Variants in PPA2 observed in about 807,000 individuals in gnomAD.
The protein encoded by PPA2 is inorganic pyrophosphatase 2, also known as inorganic pyrophosphatase 2, mitochondrial.
In PPA2, 48 loss-of-function variants were observed where a neutral mutation model predicts 49.5. The observed-to-expected ratio is 0.97, with a 90% CI of 0.77 to 1.23. PPA2 has a LOEUF of 1.23. Ranked by LOEUF, PPA2 falls within the 50% of genes most tolerant of loss-of-function variation. The pLI, the probability that PPA2 is intolerant of heterozygous loss-of-function variation, is 0.00. For missense variants in PPA2, 429 were observed against 410.1 expected (o/e 1.05, Z -0.40); for synonymous variants, 131 against 139.9 (o/e 0.94, Z 0.45).
At chr4:105,425,831 T>C (rs1276149171) in intron 6 of PPA2, among the ~76,000 whole-genome samples, 2 of 148,100 alleles carry the variant, frequency 1.4e-5, no homozygotes, top group Admixed American at 1.3e-4. Flanking sequence ...TGAAAACCAG[T>C]GATAGTGACA....
At chr4:105,442,209 T>G (rs551800160) in intron 5 of PPA2, among the ~76,000 whole-genome samples, 1 of 152,298 alleles carries the variant, frequency 6.6e-6, no homozygotes, top group South Asian at 2.1e-4. Context: ...TACCAGTGTT[T>G]TTACTACTAG....
In PPA2 at chr4:105,435,708, C is replaced by G. The variant is rs577876103; in HGVS notation, c.528+2242G>C. Among the ~76,000 whole-genome samples the G allele has an allele frequency of 4.2e-4, 64 of 152,260 alleles. 1 individual carries two copies. The South Asian group carries it at 0.012, about 30-fold the overall frequency. On this transcript the variant is annotated intron_variant, in intron 6 of 11. Transcript: ENST00000341695. ...TAAAGAAAACTAAGAATAAAAACCA[C>G]ATGATCATCTCAATAGATACAGAAA...
intron 9 of PPA2, among the ~76,000 whole-genome samples, chr4:105,395,680 T>G (rs1434278963): frequency 2.0e-5 from 3 of 152,116 alleles, no homozygotes; most frequent in Non-Finnish European, 4.4e-5. Context: ...CCTAAAAATC[T>G]GTCAGGAATT....
At chr4:105,436,975 T>C (rs1489581171) in intron 6 of PPA2, among the ~76,000 whole-genome samples, 1 of 151,990 alleles carries the variant, frequency 6.6e-6, no homozygotes, top group Admixed American at 6.6e-5. Flanking sequence ...CAAATTTAAC[T>C]TAATTAAACT....
intron 6 of PPA2, among the ~76,000 whole-genome samples, chr4:105,426,143 G>T (rs1189105360): frequency 6.6e-6 from 1 of 151,918 alleles, no homozygotes; most frequent in Non-Finnish European, 1.5e-5. Context: ...ATATTCTATT[G>T]TAATATATGT....
chr4:105,412,034 C>G (rs1394056937), intron 7 of PPA2, among the ~76,000 whole-genome samples: 1 of 152,118 alleles, frequency 6.6e-6, no homozygotes, highest in Non-Finnish European at 1.5e-5. Context: ...TTTATAGATT[C>G]AGTGACATGC....
At chr4:105,463,193 A>G (rs781561412) in intron 1 of PPA2, among the ~76,000 whole-genome samples, 14 of 152,196 alleles carry the variant, frequency 9.2e-5, no homozygotes, top group Non-Finnish European at 1.9e-4. Context: ...TGATATGGAC[A>G]ATGAAATCCA....
chr4:105,405,955 CAA>C lies in PPA2; in HGVS notation c.656-6793_656-6792del, dbSNP rs143966515. The C allele has an allele frequency of 4.2e-3, 1,612 of 386,660 alleles. 24 individuals are homozygous for C. The highest frequency in any genetic ancestry group is 0.031 in the African/African-American group (1,495 of 47,560). 24.0% of individuals were successfully genotyped at this position (386,660 alleles called of 1,614,324 possible). A position where few individuals can be genotyped will look rare whatever the true frequency, so the allele number is the denominator to read the frequency against. ...ACTGGAATATTTCTGAGACCTGTAT[CAA>C]GAGAAAAAGCAGTTAACAGAAATCA... On this transcript the variant is annotated intron_variant, in intron 7 of 11. Coordinates refer to ENST00000341695, the MANE Select transcript of PPA2 (RefSeq NM_176869.3).
At chr4:105,401,152 C>T (rs1045071043) in intron 7 of PPA2, among the ~76,000 whole-genome samples, 13 of 152,058 alleles carry the variant, frequency 8.5e-5, no homozygotes, top group African/African-American at 2.2e-4. Flanking sequence ...TTATGAAAAG[C>T]ATACATAGAT....
chr4:105,395,407 A>G (rs960159535), intron 9 of PPA2, among the ~76,000 whole-genome samples: 1 of 141,350 alleles, frequency 7.1e-6, no homozygotes, highest in Admixed American at 7.5e-5. Flanking sequence ...TCCTATACTT[A>G]GACTTACCAA....
intron 1 of PPA2, 78 bp downstream of exon 1, chr4:105,473,816 G>A: frequency 2.0e-6 from 3 of 1,532,190 alleles, no homozygotes; most frequent in East Asian, 2.3e-5. Context: ...CGCGCGGGGC[G>A]TCCCAAGTGT....
intron 6 of PPA2, among the ~76,000 whole-genome samples, chr4:105,425,430 A>G (rs1413686719): frequency 6.6e-6 from 1 of 152,218 alleles, no homozygotes; most frequent in African/African-American, 2.4e-5. Flanking sequence ...TGAAAAGAAA[A>G]ATTCTCTCAA....
chr4:105,462,842 T>C, intron 1 of PPA2, among the ~76,000 whole-genome samples: 1 of 152,204 alleles, frequency 6.6e-6, no homozygotes, highest in East Asian at 1.9e-4. Flanking sequence ...GCACAAGCTC[T>C]CGTCTGCCAC....
At position 105,396,224 on chromosome 4, in the gene PPA2, T is replaced by G. The variant is rs199706637; in HGVS notation, c.869+25A>C. The G allele has an allele frequency of 7.0e-6, 10 of 1,424,204 alleles. No homozygotes were observed. The African/African-American group carries it at 8.5e-5, about 12-fold the overall frequency. 88.2% of individuals were successfully genotyped at this position (1,424,204 alleles called of 1,614,324 possible). On this transcript the variant is annotated intron_variant, in intron 9 of 11. Coordinates refer to ENST00000341695, the MANE Select transcript of PPA2 (RefSeq NM_176869.3). ...TTAATACCAATTAATATAACATTAC[T>G]TACATAGAAAAGACAAATTCTTACC...
chr4:105,409,416 C>T (rs1722645604), intron 7 of PPA2, among the ~76,000 whole-genome samples: 1 of 152,220 alleles, frequency 6.6e-6, no homozygotes, highest in Admixed American at 6.5e-5. Context: ...CTGGGTGGAC[C>T]TCAGTGCCCC....
At chr4:105,378,199 T>A (rs1733335766) in intron 10 of PPA2, among the ~76,000 whole-genome samples, 1 of 152,196 alleles carries the variant, frequency 6.6e-6, no homozygotes, top group African/African-American at 2.4e-5. Context: ...CACGTCCTTG[T>A]TAACAGTTGG....
At chr4:105,398,996 T>G (rs1734253543) in intron 8 of PPA2, 41 bp downstream of exon 8, 1 of 1,587,382 alleles carries the variant, frequency 6.3e-7, no homozygotes. Flanking sequence ...ATTGTACAGG[T>G]ATCAGGAGGT....
At chr4:105,453,923 C>A (rs919865055) in intron 2 of PPA2, 3 of 275,394 alleles carry the variant, frequency 1.1e-5, no homozygotes, top group African/African-American at 6.5e-5. Flanking sequence ...AGGCTCTGTT[C>A]AGTCTTTAAG....
intron 1 of PPA2, among the ~76,000 whole-genome samples, chr4:105,458,897 C>T (rs1034784606): frequency 2.0e-5 from 3 of 150,878 alleles, no homozygotes; most frequent in African/African-American, 7.3e-5. Context: ...TTTTATTTCC[C>T]CCTACCATGC....
Sources: gnomAD v4.1 joint callset for allele counts (sites outside exome capture counted in the v4.1 genomes callset) on GRCh38, gnomAD v4.1.1 for gene constraint, MANE v1.5 for transcripts, NCBI Gene and HGNC (gene_info 2026-07-23, HGNC 2026-07-21) for gene names.